The following SGO1 variants were observed in gnomAD, a reference collection of about 807,000 sequenced individuals.
SGO1 encodes serologically defined breast cancer antigen NY-BR-85.
SGO1 carries 39 observed loss-of-function variants against 50.5 expected under a neutral mutation model. The ratio of observed to expected loss-of-function variants is 0.77; its 90% CI spans 0.60 to 1.01. The LOEUF (loss-of-function observed/expected upper bound fraction) is 1.01, where lower values mean the gene tolerates loss of function less well. Among genes scored for constraint, SGO1 ranks in the 50% least tolerant of loss-of-function variants. The pLI, the probability that SGO1 is intolerant of heterozygous loss-of-function variation, is 0.00. For missense variants in SGO1, 638 were observed against 606.0 expected, an observed-to-expected ratio of 1.05 and a Z score of -0.55; for synonymous variants, 191 against 205.1, an observed-to-expected ratio of 0.93 and a Z score of 0.59.
At position 20,176,638 on chromosome 3, in the gene SGO1, A is replaced by T. The variant is rs746200846; in HGVS notation, c.438T>A (p.Thr146=). The change falls in exon 5 of 8, where the codon ACT becomes ACA. Residue 146 remains threonine, a synonymous_variant. Transcript: ENST00000412997. ...ATGATTCTCCTTGTCCTGGAAGTTC[A>T]GTTTCTTCAAGAGGAATTTGCCTTA... is the stretch of plus-strand genomic sequence containing the variant. The part of the protein sequence containing the change: ...KDLPQIPLEE[T]ELPGQGESFQ... The T allele has an allele frequency of 6.4e-7, 1 of 1,564,214 alleles. No homozygotes were observed. Among genetic ancestry groups the T allele is most frequent in the South Asian group, 1.3e-5 (1 of 79,844 alleles).
In SGO1 at chr3:20,161,149, CT is replaced by C; in HGVS notation, c.1641del (p.Asp548ThrfsTer13). 1 of 1,613,786 alleles carries C rather than the reference CT, an allele frequency of 6.2e-7. No homozygotes were observed. The highest frequency in any genetic ancestry group is 8.5e-7 in the Non-Finnish European group (1 of 1,179,878). On this transcript the variant is annotated frameshift_variant, in exon 9 of 9. Transcript: ENST00000263753. LOFTEE classifies it high-confidence loss of function. ...GTTTCAAGTTTACATTTCCTACAGT[CT>C]GGGAATCTCGAAACAAATTCTCGAA...
chr3:20,161,271 A>C, intron 8 of SGO1: 1 of 1,453,276 alleles, frequency 6.9e-7, no homozygotes, highest in Admixed American at 2.9e-5. Context: ...ATGTTTCTAC[A>C]ACCTAGTCCA....
chr3:20,172,792 TAAAA>T (rs60411282), intron 6 of SGO1, among the ~76,000 whole-genome samples: 1 of 98,912 alleles, frequency 1.0e-5, no homozygotes, highest in Non-Finnish European at 2.0e-5. Flanking sequence ...TCACAAAAAG[TAAAA>T]AAAAAAAAAA....
chr3:20,170,394 G>T lies in SGO1; in HGVS notation c.*310C>A. ...GCCTGGGCAACAAGAATGAAATTCC[G>T]CCTCCAAAAAAAAAAAAAGATATAT... On this transcript the variant is annotated 3_prime_UTR_variant, in exon 8 of 8. Transcript: ENST00000412997. 1.1e-6 allele frequency: 1 copy of T among 950,702 alleles called. No homozygotes were observed. The allele number at this position is 950,702 out of a possible 1,614,324, so 58.9% of individuals were successfully genotyped here. A position where few individuals can be genotyped will look rare whatever the true frequency, so the allele number is the denominator to read the frequency against.
chr3:20,177,509 C>T (rs1701532710), intron 4 of SGO1, among the ~76,000 whole-genome samples: 1 of 152,174 alleles, frequency 6.6e-6, no homozygotes, highest in African/African-American at 2.4e-5. Context: ...AGGGAACATG[C>T]CACAATATCT....
downstream of SGO1, among the ~76,000 whole-genome samples, chr3:20,167,836 T>A (rs547338676): frequency 1.3e-5 from 2 of 152,192 alleles, no homozygotes; most frequent in Admixed American, 6.5e-5. Context: ...AGGTATTAAC[T>A]TTATAGAAAG....
chr3:20,171,732 T>C (rs1700766950), intron 6 of SGO1, among the ~76,000 whole-genome samples: 1 of 152,160 alleles, frequency 6.6e-6, no homozygotes, highest in African/African-American at 2.4e-5. Context: ...TCAAGTCTCT[T>C]CCTATAGTCT....
At chr3:20,179,887 T>C (rs1402101601) in intron 3 of SGO1, among the ~76,000 whole-genome samples, 1 of 152,172 alleles carries the variant, frequency 6.6e-6, no homozygotes, top group Non-Finnish European at 1.5e-5. Flanking sequence ...CTGTTTTGCA[T>C]ATTATTACTG....
At chr3:20,176,051 T>C (rs1701349765) in intron 5 of SGO1, among the ~76,000 whole-genome samples, 3 of 152,218 alleles carry the variant, frequency 2.0e-5, no homozygotes, top group Admixed American at 2.0e-4. Flanking sequence ...ATTCAAATAC[T>C]ATCCTTCCTT....
intron 3 of SGO1, among the ~76,000 whole-genome samples, chr3:20,180,505 T>C (rs544266691): frequency 9.9e-5 from 15 of 152,080 alleles, no homozygotes; most frequent in Non-Finnish European, 2.1e-4. Flanking sequence ...GGGGGATATA[T>C]AGAAGAGAGA....
intron 1 of SGO1, 107 bp from the exon 2 acceptor site, chr3:20,184,141 T>C: frequency 1.2e-6 from 1 of 834,600 alleles, no homozygotes; most frequent in East Asian, 3.1e-5. Context: ...AACTGTAGAA[T>C]TAGCTCAAAG....
intron 3 of SGO1, 138 bp from the exon 4 acceptor site, chr3:20,178,485 C>A: frequency 1.6e-6 from 1 of 623,054 alleles, no homozygotes; most frequent in East Asian, 2.6e-5. Context: ...TATAACAGCT[C>A]AAAAGCAGAG....
intron 1 of SGO1, among the ~76,000 whole-genome samples, chr3:20,184,315 A>C (rs1407728395): frequency 2.0e-5 from 3 of 152,230 alleles, no homozygotes. Flanking sequence ...TTCTTTAACA[A>C]ATACTCACTG....
intron 6 of SGO1, among the ~76,000 whole-genome samples, chr3:20,171,993 T>C (rs1700795278): frequency 6.6e-6 from 1 of 152,212 alleles, no homozygotes; most frequent in Non-Finnish European, 1.5e-5. Context: ...AAGTAAAAAC[T>C]ATAACTGTGA....
chr3:20,163,768 G>C (rs1040711118), intron 8 of SGO1, among the ~76,000 whole-genome samples: 2 of 151,990 alleles, frequency 1.3e-5, no homozygotes, highest in African/African-American at 4.8e-5. Flanking sequence ...AAAGAGAGGA[G>C]GATAACTACA....
intron 3 of SGO1, among the ~76,000 whole-genome samples, chr3:20,180,970 C>CA (rs1208586306): frequency 9.2e-5 from 14 of 152,154 alleles, no homozygotes; most frequent in Middle Eastern, 3.4e-3. Flanking sequence ...CTACCCCCAA[C>CA]AAAAAAATTA....
In SGO1 at chr3:20,178,285, A is replaced by C. The variant is rs745570561; in HGVS notation, c.402T>G (p.Phe134Leu). 5 of 1,610,922 alleles carry C rather than the reference A, an allele frequency of 3.1e-6. No individual in the cohort carries two copies. The highest frequency in any genetic ancestry group is 4.2e-6 in the Non-Finnish European group (5 of 1,177,370). ...TTGATACTAACGGTAAATCCTTCAC[A>C]AATAAATTTCTGGAGCTGTCATCAC... ...PNSDDSSRNL[F>L]VKDLPQIPLE... Residue 134 changes from phenylalanine to leucine, a missense_variant, in exon 4 of 8, where the codon TTT (phenylalanine) becomes TTG (leucine). By Grantham distance (22) the Phe-to-Leu change is conservative. Transcript: ENST00000412997.
Position 20,171,093 on chromosome 3 carries a change from A to C in SGO1, c.1422T>G (p.Pro474=). 6.2e-7 allele frequency: 1 copy of C among 1,611,330 alleles called. No individual in the cohort carries two copies. Among genetic ancestry groups the C allele is most frequent in the Non-Finnish European group, 8.5e-7 (1 of 1,179,258 alleles). Residue 474 remains proline (P), a synonymous_variant, in exon 7 of 8, where the codon CCT becomes CCG. Transcript: ENST00000412997. ...KNKASPAVAL[P]KRRCTASVNY... ...TCACGCTGGCTGTGCACCTACGTTT[A>C]GGCAGAGCCACTGCTGGGCTTGCTT...
At chr3:20,172,835 G>C (rs113509139) in intron 6 of SGO1, among the ~76,000 whole-genome samples, 2 of 150,088 alleles carry the variant, frequency 1.3e-5, no homozygotes, top group Non-Finnish European at 3.0e-5. Context: ...GTGTGATGGC[G>C]CATGCCTGTA....
Sources: allele counts gnomAD v4.1 joint callset (sites outside exome capture counted in the v4.1 genomes callset), GRCh38; gene constraint gnomAD v4.1.1; transcripts MANE v1.5; gene names NCBI Gene and HGNC (gene_info 2026-07-23, HGNC 2026-07-21).